Variants in DSC3 observed in about 807,000 individuals in gnomAD.
The protein encoded by DSC3 is desmocollin-3.
Under a neutral mutation model 89.5 loss-of-function variants are expected in DSC3, and 97 were observed. That is an observed-to-expected ratio of 1.08 (90% CI 0.92 to 1.28). The LOEUF is 1.28. Among genes scored for constraint, DSC3 ranks in the 50% most tolerant of loss-of-function variants. The pLI is 0.00. For missense variants in DSC3, 1,199 were observed against 1,085.3 expected, an observed-to-expected ratio of 1.10 and a Z score of -1.47; for synonymous variants, 436 against 384.1, an observed-to-expected ratio of 1.14 and a Z score of -1.58.
intron 4 of DSC3, 27 bp downstream of exon 4, chr18:31,029,482 C>T (rs1040732332): frequency 1.2e-6 from 2 of 1,613,132 alleles, no homozygotes; most frequent in African/African-American, 2.7e-5. Context: ...ATTAAAGCAA[C>T]CCTGACCAGA....
At chr18:31,040,584 G>T (rs901826323) in intron 1 of DSC3, among the ~76,000 whole-genome samples, 4 of 152,076 alleles carry the variant, frequency 2.6e-5, no homozygotes, top group Non-Finnish European at 5.9e-5. Context: ...GGAGATACAG[G>T]AAAAATGCAG....
chr18:31,038,273 T>C (rs1986032872), intron 1 of DSC3, among the ~76,000 whole-genome samples: 1 of 152,200 alleles, frequency 6.6e-6, no homozygotes, highest in South Asian at 2.1e-4. Flanking sequence ...ATAAAGTACA[T>C]TGTTCCATAT....
chr18:31,040,359 C>T (rs1986092897), intron 1 of DSC3, among the ~76,000 whole-genome samples: 1 of 152,086 alleles, frequency 6.6e-6, no homozygotes, highest in African/African-American at 2.4e-5. Context: ...CAGAAGACAA[C>T]TGATCTCATG....
At position 30,990,193 on chromosome 18, in the gene DSC3, G is replaced by A. The variant is rs1480596462; in HGVS notation, c.*3982C>T. ...TCATTTAATCATTCAACAACCCCATGAGGCTGGCATTGTTCATTGATTTTA... is the reference window on the plus strand; with the variant it reads ...TCATTTAATCATTCAACAACCCCATAAGGCTGGCATTGTTCATTGATTTTA... On this transcript the variant is annotated 3_prime_UTR_variant, in exon 16 of 16. Transcript: ENST00000360428. 6.6e-6 allele frequency: 1 copy of A among 152,134 alleles called. No individual in the cohort carries two copies. Among genetic ancestry groups the A allele is most frequent in the African/African-American group, 2.4e-5 (1 of 41,418 alleles). 9.4% of individuals were successfully genotyped at this position (152,134 alleles called of 1,614,324 possible). A position where few individuals can be genotyped will look rare whatever the true frequency, so the allele number is the denominator to read the frequency against.
intron 14 of DSC3, among the ~76,000 whole-genome samples, chr18:30,998,370 A>G (rs1051450362): frequency 2.6e-5 from 4 of 152,298 alleles, no homozygotes; most frequent in Admixed American, 1.3e-4. Context: ...CAACTCACTG[A>G]AACAGGGAGG....
chr18:31,033,119 A>G (rs1985855334), intron 1 of DSC3, among the ~76,000 whole-genome samples: 1 of 152,188 alleles, frequency 6.6e-6, no homozygotes, highest in African/African-American at 2.4e-5. Flanking sequence ...AATAAGTATA[A>G]TATTATACAC....
At chr18:30,994,794 A>G (rs1984401870) in intron 15 of DSC3, among the ~76,000 whole-genome samples, 1 of 152,178 alleles carries the variant, frequency 6.6e-6, no homozygotes, top group South Asian at 2.1e-4. Context: ...TGGGCAAGTG[A>G]CCAAATATCC....
At chr18:30,996,766 A>T in intron 15 of DSC3, 25 bp downstream of exon 15, 7 of 1,611,198 alleles carry the variant, frequency 4.3e-6, no homozygotes, top group Non-Finnish European at 5.9e-6. Context: ...TAAATTTTAG[A>T]CTCAAAACAC....
chr18:30,995,996 A>ATAAAG (rs1555631967), intron 15 of DSC3, among the ~76,000 whole-genome samples: 3 of 136,480 alleles, frequency 2.2e-5, no homozygotes, highest in East Asian at 4.4e-4. Flanking sequence ...AAAAAAAAAA[A>ATAAAG]AAAGAAAAGA....
chr18:31,033,546 A>G (rs1985872134), intron 1 of DSC3, among the ~76,000 whole-genome samples: 1 of 151,964 alleles, frequency 6.6e-6, no homozygotes, highest in African/African-American at 2.4e-5. Context: ...TATCTTCCTG[A>G]AAAAAAAGTG....
chr18:31,002,878 G>A (rs1412321748), intron 13 of DSC3, among the ~76,000 whole-genome samples: 2 of 152,174 alleles, frequency 1.3e-5, no homozygotes, highest in Non-Finnish European at 2.9e-5. Flanking sequence ...CACATGGCCT[G>A]CAAAGCTTGA....
intron 4 of DSC3, among the ~76,000 whole-genome samples, chr18:31,028,497 T>C (rs1184652568): frequency 6.6e-6 from 1 of 152,018 alleles, no homozygotes; most frequent in Non-Finnish European, 1.5e-5. Context: ...AGTTATAATA[T>C]TCATGGAGAA....
chr18:31,018,711 TGTTATGATACAA>T lies in DSC3; in HGVS notation c.1020_1031del (p.Cys341_Thr344del), dbSNP rs2144710293. Reference sequence around the variant, plus strand: ...GTGCATTATCATTTGAATCTGTTACTGTTATGATACAAGTTGATGTGCCTATCAATCCAAAAA... The same window carrying T: ...GTGCATTATCATTTGAATCTGTTACTGTTGATGTGCCTATCAATCCAAAAA... On this transcript the variant is annotated inframe_deletion, in exon 8 of 16. Coordinates refer to ENST00000360428, the MANE Select transcript of DSC3 (RefSeq NM_001941.5). 6.2e-7 allele frequency: 1 copy of T among 1,613,686 alleles called. No individual in the cohort carries two copies. The highest frequency in any genetic ancestry group is 8.5e-7 in the Non-Finnish European group (1 of 1,179,864).
chr18:30,990,138 C>T lies in DSC3; in HGVS notation c.*4037G>A, dbSNP rs1057266814. The T allele has an allele frequency of 6.6e-6, 1 of 152,124 alleles. No homozygotes were observed. Among genetic ancestry groups the T allele is most frequent in the Non-Finnish European group, 1.5e-5 (1 of 68,018 alleles). 9.4% of individuals were successfully genotyped at this position (152,124 alleles called of 1,614,324 possible). ...TTATAATTCTTTTACTATGTGCAGGCAGTGTTCTATGTACTTTAGGTATAG... is the reference window on the plus strand; with the variant it reads ...TTATAATTCTTTTACTATGTGCAGGTAGTGTTCTATGTACTTTAGGTATAG... On this transcript the variant is annotated 3_prime_UTR_variant, in exon 16 of 16. Transcript: ENST00000360428.
chr18:31,018,683 T>C lies in DSC3; in HGVS notation c.1060A>G (p.Thr354Ala), dbSNP rs1985315423. 2.5e-6 allele frequency: 4 copies of C among 1,613,214 alleles called. No individual in the cohort carries two copies. The highest frequency in any genetic ancestry group is 1.7e-5 in the Admixed American group (1 of 59,994). ...ATACTTACAGCATTTTGTCTGAAAG[T>C]GGGTGCATTATCATTTGAATCTGTT... Reference protein sequence around the residue: ...TVTDSNDNAPTFRQNAYEAFV... With the variant: ...TVTDSNDNAPAFRQNAYEAFV... The change falls in exon 8 of 16, where the codon ACT becomes GCT. Residue 354 changes from threonine (T) to alanine (A), a missense_variant. Physicochemically the swap from Thr to Ala is moderately conservative, Grantham distance 58. Transcript: ENST00000360428.
chr18:30,991,708 G>A lies in DSC3; in HGVS notation c.*2467C>T, dbSNP rs1157255928. 1 of 152,120 alleles carries A rather than the reference G, an allele frequency of 6.6e-6. No homozygotes were observed. The highest frequency in any genetic ancestry group is 1.5e-5 in the Non-Finnish European group (1 of 68,040). The allele number at this position is 152,120 out of a possible 1,614,324, so 9.4% of individuals were successfully genotyped here. ...ATACAGCAGGAAATTTCAGCAACTA[G>A]GCTTACAGAGAATTCCATTCTCAGA... On this transcript the variant is annotated 3_prime_UTR_variant, in exon 16 of 16. Coordinates refer to ENST00000360428, the MANE Select transcript of DSC3 (RefSeq NM_001941.5).
chr18:31,016,002 CT>C (rs1166166793), intron 9 of DSC3, among the ~76,000 whole-genome samples: 1 of 152,112 alleles, frequency 6.6e-6, no homozygotes. Flanking sequence ...TCATTATATG[CT>C]AATTATAATG....
chr18:31,018,151 T>C lies in DSC3; in HGVS notation c.1183A>G (p.Ile395Val). Residue 395 changes from isoleucine (I) to valine (V), a missense_variant, in exon 9 of 16, where the codon ATT (isoleucine) becomes GTT (valine). Physicochemically the swap from Ile to Val is conservative, Grantham distance 29. Transcript: ENST00000360428. ...NTANWRVNFT[I>V]LKGNENGHFK... is the part of the protein sequence containing the mutation. The stretch of plus-strand genomic sequence containing the variant: ...TGTCCATTTTCATTTCCCTTTAAAA[T>C]GGTAAAATTGACTCTCCAATTGGCA... The C allele has an allele frequency of 1.9e-6, 3 of 1,612,586 alleles. No homozygotes were observed. The highest frequency in any genetic ancestry group is 2.5e-6 in the Non-Finnish European group (3 of 1,179,252).
intron 1 of DSC3, among the ~76,000 whole-genome samples, chr18:31,036,948 A>G (rs1473783257): frequency 2.0e-5 from 3 of 150,608 alleles, no homozygotes; most frequent in Non-Finnish European, 4.4e-5. Flanking sequence ...GCCTGCCACC[A>G]CCCCCAGCTA....
Sources: gnomAD v4.1 joint callset for allele counts (sites outside exome capture counted in the v4.1 genomes callset) on GRCh38, gnomAD v4.1.1 for gene constraint, MANE v1.5 for transcripts, NCBI Gene and HGNC (gene_info 2026-07-23, HGNC 2026-07-21) for gene names.